OAS1: variants seen among roughly 807,000 people sequenced by gnomAD.
OAS1 encodes 2'-5'-oligoadenylate synthase 1.
A neutral mutation model predicts 38.5 loss-of-function variants in OAS1; 24 were observed. The observed-to-expected ratio is 0.62, with a 90% CI of 0.45 to 0.88. The LOEUF (loss-of-function observed/expected upper bound fraction) is 0.88. Among genes scored for constraint, OAS1 ranks in the 40% least tolerant of loss-of-function variants. The probability of loss-of-function intolerance (pLI) is 0.00; values close to 1 mark genes in which losing one functional copy is unlikely to be tolerated. For missense variants in OAS1, 482 were observed against 493.9 expected (o/e 0.98, Z 0.23); for synonymous variants, 169 against 193.9 (o/e 0.87, Z 1.07).
rs182244314 is a variant in OAS1, at chr12:112,927,149, G to A, written c.1168-4729G>A. ...TTTACGAACAATTTGTGCAGTTAACGCAATCATCACAGGGTCCTGAGGCAA... is the reference window on the plus strand; with the variant it reads ...TTTACGAACAATTTGTGCAGTTAACACAATCATCACAGGGTCCTGAGGCAA... On this transcript the variant is annotated intron_variant, in intron 6 of 6. Transcript: ENST00000540589. 3.2e-4 allele frequency among the ~76,000 whole-genome samples: 48 copies of A among 152,252 alleles called. No homozygotes were observed. The East Asian group carries it at 8.9e-3, about 28-fold the overall frequency.
chr12:112,918,540 C>T lies in OAS1; in HGVS notation c.1038+840C>T, dbSNP rs112639043. 1.1e-3 allele frequency: 425 copies of T among 395,350 alleles called. 2 individuals carry two copies. Among genetic ancestry groups the T allele is most frequent in the African/African-American group, 8.0e-3 (391 of 48,682 alleles). The allele number at this position is 395,350 out of a possible 1,614,324, so 24.5% of individuals were successfully genotyped here. A position where few individuals can be genotyped will look rare whatever the true frequency, so the allele number is the denominator to read the frequency against. The stretch of plus-strand genomic sequence containing the variant: ...ATTGCTGGGTTGAATGGACATTCTA[C>T]TTTTAGTTATTTGAAAAGTCCCATG... On this transcript the variant is annotated intron_variant, in intron 5 of 5. Transcript: ENST00000202917.
At chr12:112,925,924 G>C (rs2043555699) in intron 6 of OAS1, among the ~76,000 whole-genome samples, 1 of 152,152 alleles carries the variant, frequency 6.6e-6, no homozygotes, top group African/African-American at 2.4e-5. Context: ...AAGGAAGTTA[G>C]AGCTTATTAT....
chr12:112,908,712 T>G lies in OAS1; in HGVS notation c.357T>G (p.Phe119Leu), dbSNP rs757842108. The change falls in exon 2 of 6, where the codon TTT becomes TTG. Residue 119 changes from phenylalanine (F) to leucine (L), a missense_variant. Coordinates refer to ENST00000202917, the MANE Select transcript of OAS1 (RefSeq NM_016816.4). ...GAGAGAGAGCATTTTCCGTGAAGTT[T>G]GAGGTCCAGGCTCCACGCTGGGGCA... ...CQRERAFSVK[F>L]EVQAPRWGNP... is the part of the protein sequence containing the mutation. The G allele has an allele frequency of 2.5e-6, 4 of 1,614,072 alleles. No individual in the cohort carries two copies. The highest frequency in any genetic ancestry group is 4.5e-5 in the East Asian group (2 of 44,894).
chr12:112,931,629 C>G (rs1307644957), intron 6 of OAS1, among the ~76,000 whole-genome samples: 3 of 152,334 alleles, frequency 2.0e-5, no homozygotes, highest in Admixed American at 6.5e-5. Context: ...GACTCAAACT[C>G]AAGACCATCT....
At chr12:112,928,433 C>T (rs1436062969) in intron 6 of OAS1, among the ~76,000 whole-genome samples, 1 of 152,206 alleles carries the variant, frequency 6.6e-6, no homozygotes, top group Non-Finnish European at 1.5e-5. Context: ...TAACAAACTA[C>T]CCCAAAACTC....
intron 3 of OAS1, among the ~76,000 whole-genome samples, chr12:112,912,913 C>G (rs1046578355): frequency 2.0e-5 from 3 of 152,154 alleles, no homozygotes; most frequent in African/African-American, 7.2e-5. Flanking sequence ...TTTCAAGTGC[C>G]TCGAAGTATT....
chr12:112,911,273 G>A (rs750272572), intron 3 of OAS1, 38 bp downstream of exon 3: 31 of 1,508,288 alleles, frequency 2.1e-5, no homozygotes, highest in Middle Eastern at 3.8e-4. Context: ...GTCCTGTCTC[G>A]ACTGGGAGCA....
chr12:112,923,537 C>T (rs1291462076), downstream of OAS1, among the ~76,000 whole-genome samples: 1 of 152,196 alleles, frequency 6.6e-6, no homozygotes, highest in Non-Finnish European at 1.5e-5. Flanking sequence ...TATTCCTATC[C>T]TTAGCCCATT....
chr12:112,908,661 T>C lies in OAS1; in HGVS notation c.306T>C (p.Ile102=), dbSNP rs1177570008. The stretch of plus-strand genomic sequence containing the variant: ...GCCGGGGAGAGTTCATCCAGGAAAT[T>C]AGGAGACAGCTGGAAGCCTGTCAAA... The part of the protein sequence containing the change: ...LNRRGEFIQE[I]RRQLEACQRE... The change falls in exon 2 of 6, where the codon ATT becomes ATC. Residue 102 remains isoleucine, a synonymous_variant. Coordinates refer to ENST00000202917, the MANE Select transcript of OAS1 (RefSeq NM_016816.4). 7.4e-6 allele frequency: 12 copies of C among 1,613,994 alleles called. No homozygotes were observed. The highest frequency in any genetic ancestry group is 1.6e-4 in the Middle Eastern group (1 of 6,084).
intron 3 of OAS1, among the ~76,000 whole-genome samples, chr12:112,911,555 C>T (rs560203275): frequency 3.0e-4 from 45 of 152,190 alleles, no homozygotes; most frequent in Admixed American, 5.9e-4. Flanking sequence ...CATACACACA[C>T]GCACGCACAC....
intron 6 of OAS1, among the ~76,000 whole-genome samples, chr12:112,927,457 A>G (rs1177621982): frequency 6.6e-6 from 1 of 152,136 alleles, no homozygotes; most frequent in Non-Finnish European, 1.5e-5. Context: ...ATTCTCAGCC[A>G]TGTGACTCCC....
intron 6 of OAS1, among the ~76,000 whole-genome samples, chr12:112,927,066 C>G (rs1304815274): frequency 1.8e-4 from 28 of 152,198 alleles, no homozygotes; most frequent in Non-Finnish European, 1.5e-5. Flanking sequence ...CTGAACATCG[C>G]TATTATCCTG....
rs189052929 is a variant in OAS1, at chr12:112,927,564, C to T, written c.1168-4314C>T. Among the ~76,000 whole-genome samples, 11 of 152,264 alleles carry T rather than the reference C, an allele frequency of 7.2e-5. No homozygotes were observed. In the East Asian group the frequency reaches 2.1e-3, roughly 29 times the overall value. The stretch of plus-strand genomic sequence containing the variant: ...ACAAATGGCGAGGCCTCCAGTCTCC[C>T]ACATGACAGCTTTGTACTAAAATCA... On this transcript the variant is annotated intron_variant, in intron 6 of 6. Coordinates refer to the OAS1 transcript ENST00000540589.
intron 3 of OAS1, among the ~76,000 whole-genome samples, chr12:112,911,865 T>C (rs775682885): frequency 2.6e-5 from 4 of 152,248 alleles, no homozygotes; most frequent in Non-Finnish European, 4.4e-5. Context: ...TTTGTGGATG[T>C]GATACAATTT....
intron 3 of OAS1, among the ~76,000 whole-genome samples, chr12:112,914,730 G>GTTTTTTTT (rs60578734): frequency 2.8e-4 from 33 of 118,450 alleles, no homozygotes; most frequent in Non-Finnish European, 3.7e-4. Flanking sequence ...GTTGGTATTT[G>GTTTTTTTT]TTTTTTTTTT....
At chr12:112,917,384 C>T (rs761250431) in intron 4 of OAS1, among the ~76,000 whole-genome samples, 163 bp from the exon 5 acceptor site, 1 of 152,180 alleles carries the variant, frequency 6.6e-6, no homozygotes, top group Non-Finnish European at 1.5e-5. Flanking sequence ...ATGCTCACTG[C>T]CTGCTGGGGA....
downstream of OAS1, among the ~76,000 whole-genome samples, chr12:112,924,014 G>A (rs1174362620): frequency 6.6e-6 from 1 of 152,192 alleles, no homozygotes; most frequent in Non-Finnish European, 1.5e-5. Flanking sequence ...TGATTTCAGG[G>A]ATGTGACACC....
At chr12:112,909,884 GTAAT>G (rs1565959141) in intron 2 of OAS1, among the ~76,000 whole-genome samples, 2 of 152,148 alleles carry the variant, frequency 1.3e-5, no homozygotes, top group African/African-American at 4.8e-5. Context: ...TCATTAAGCA[GTAAT>G]TAGTGATTAA....
chr12:112,931,389 C>T (rs193174428), intron 6 of OAS1, among the ~76,000 whole-genome samples: 230 of 152,306 alleles, frequency 1.5e-3, no homozygotes, highest in Non-Finnish European at 1.5e-3. Context: ...TCTGTAACAT[C>T]GAGCTAATTT....
Sources: allele counts gnomAD v4.1 joint callset (sites outside exome capture counted in the v4.1 genomes callset), GRCh38; gene constraint gnomAD v4.1.1; transcripts MANE v1.5; gene names NCBI Gene and HGNC (gene_info 2026-07-23, HGNC 2026-07-21).